The following SH2D3A variants were observed in gnomAD, a reference collection of about 807,000 sequenced individuals.
SH2D3A encodes the protein SH2 domain-containing protein 3A.
Under a neutral mutation model 50.6 loss-of-function variants are expected in SH2D3A, and 46 were observed. The observed-to-expected ratio is 0.91, with a 90% CI of 0.72 to 1.16. The LOEUF is 1.16. Among genes scored for constraint, SH2D3A ranks in the 50% most tolerant of loss-of-function variants. SH2D3A has a pLI of 0.00. For missense variants in SH2D3A, 783 were observed against 786.2 expected, an observed-to-expected ratio of 1.00 and a Z score of 0.05; for synonymous variants, 377 against 348.4, an observed-to-expected ratio of 1.08 and a Z score of -0.91.
At chr19:6,763,609 C>T in intron 2 of SH2D3A, 71 bp downstream of exon 2, 1 of 1,459,782 alleles carries the variant, frequency 6.9e-7, no homozygotes, top group South Asian at 1.2e-5. Context: ...CATCCAGGGA[C>T]CCAGGAATCC....
Position 6,752,268 on chromosome 19 carries a change from C to T in SH2D3A, c.*325G>A. The T allele has an allele frequency of 7.6e-6, 2 of 262,562 alleles. No homozygotes were observed. Among genetic ancestry groups the T allele is most frequent in the East Asian group, 6.9e-5 (1 of 14,402 alleles). 16.3% of individuals were successfully genotyped at this position (262,562 alleles called of 1,614,324 possible). The stretch of plus-strand genomic sequence containing the variant: ...CTGGCCTCAAGCCTTCCTTCCGCCT[C>T]GGCCTCCCAAAGTGCTGAGATTACA... On this transcript the variant is annotated 3_prime_UTR_variant, in exon 10 of 10. Transcript: ENST00000245908.
At position 6,754,791 on chromosome 19, in the gene SH2D3A, G is replaced by T. The variant is rs181849868; in HGVS notation, c.981+40C>A. ...GATTATGTAGGCATGGTTGGGTCTT[G>T]CCCTGGGCCTGGGGAGGAGCATCCC... is the stretch of plus-strand genomic sequence containing the variant. On this transcript the variant is annotated intron_variant, in intron 5 of 9. Coordinates refer to ENST00000245908, the MANE Select transcript of SH2D3A (RefSeq NM_005490.3). 4 of 1,613,176 alleles carry T rather than the reference G, an allele frequency of 2.5e-6. No individual in the cohort carries two copies. The East Asian group carries it at 8.9e-5, about 36-fold the overall frequency.
chr19:6,753,241 G>A, intron 9 of SH2D3A: 1 of 985,420 alleles, frequency 1.0e-6, no homozygotes, highest in South Asian at 4.7e-5. Flanking sequence ...AGGACAGCCC[G>A]TTTTGAGGTG....
In SH2D3A at chr19:6,752,669, G is replaced by C. The variant is rs922745885; in HGVS notation, c.1655C>G (p.Ala552Gly). 8 of 1,554,002 alleles carry C rather than the reference G, an allele frequency of 5.1e-6. No homozygotes were observed. The highest frequency in any genetic ancestry group is 5.2e-6 in the Non-Finnish European group (6 of 1,148,966). ...RLLWGSRGAG[A>G]PRAERFEKFQ... The stretch of plus-strand genomic sequence containing the variant: ...CTTCTCAAAGCGTTCAGCGCGCGGA[G>C]CTCCCGCGCCCCGGCTACCCCAGAG... The change falls in exon 10 of 10, where the codon GCT becomes GGT. Residue 552 changes from alanine (A) to glycine (G), a missense_variant. Ala to Gly is a moderately conservative substitution (Grantham distance 60). Coordinates refer to ENST00000245908, the MANE Select transcript of SH2D3A (RefSeq NM_005490.3).
At chr19:6,758,960 T>TA (rs775265634) in intron 4 of SH2D3A, 1 of 152,244 alleles carries the variant, frequency 6.6e-6, no homozygotes. Context: ...GGTGGAAATG[T>TA]AAAATGCAAA....
Position 6,760,892 on chromosome 19 carries a change from G to A in SH2D3A, c.165C>T (p.Gly55=). ...GNPVISCRWR[G]SALHFEVFRV... is the part of the protein sequence containing the mutation. ...GGAACACCTCAAAATGGAGGGCTGAGCCCCGCCAGCGGCAGGAGATCACGG... is the reference window on the plus strand; with the variant it reads ...GGAACACCTCAAAATGGAGGGCTGAACCCCGCCAGCGGCAGGAGATCACGG... Residue 55 remains glycine, a synonymous_variant, in exon 3 of 10, where the codon GGC becomes GGT. Coordinates refer to ENST00000245908, the MANE Select transcript of SH2D3A (RefSeq NM_005490.3). 1.9e-6 allele frequency: 3 copies of A among 1,614,232 alleles called. No individual in the cohort carries two copies. Among genetic ancestry groups the A allele is most frequent in the Non-Finnish European group, 8.5e-7 (1 of 1,180,042 alleles).
In SH2D3A at chr19:6,767,414, A is replaced by T. The variant is rs1156815659; in HGVS notation, c.-96T>A. ...GGGCAGGACCCGCGGGGCTCCCACG[A>T]GGCTGGGTCCAGGCGGAAGCTGAGG... On this transcript the variant is annotated 5_prime_UTR_variant, in exon 1 of 10. Transcript: ENST00000245908. 2 of 152,380 alleles carry T rather than the reference A, an allele frequency of 1.3e-5. No individual in the cohort carries two copies. Among genetic ancestry groups the T allele is most frequent in the African/African-American group, 4.8e-5 (2 of 41,448 alleles). The allele number at this position is 152,380 out of a possible 1,614,324, so 9.4% of individuals were successfully genotyped here.
At chr19:6,754,786 G>T in intron 5 of SH2D3A, 45 bp downstream of exon 5, 1 of 1,613,416 alleles carries the variant, frequency 6.2e-7, no homozygotes, top group South Asian at 1.1e-5. Flanking sequence ...GCATGGTTGG[G>T]TCTTGCCCTG....
rs1969390869 is a variant in SH2D3A, at chr19:6,752,767, C to A, written c.1571-14G>T. ...TAGGCCGGAATCCTGGAAGCAAGGT[C>A]AGGTGGGCTGGGGGCGGGGCCCAGG... On this transcript the variant is annotated splice_polypyrimidine_tract_variant and intron_variant, in intron 9 of 9. Coordinates refer to ENST00000245908, the MANE Select transcript of SH2D3A (RefSeq NM_005490.3). 6.6e-7 allele frequency: 1 copy of A among 1,519,420 alleles called. No homozygotes were observed. Among genetic ancestry groups the A allele is most frequent in the Non-Finnish European group, 8.9e-7 (1 of 1,126,424 alleles). 94.1% of individuals were successfully genotyped at this position (1,519,420 alleles called of 1,614,324 possible). A position where few individuals can be genotyped will look rare whatever the true frequency, so the allele number is the denominator to read the frequency against.
chr19:6,762,570 C>T (rs1970087070), intron 2 of SH2D3A, among the ~76,000 whole-genome samples: 1 of 142,590 alleles, frequency 7.0e-6, no homozygotes, highest in Non-Finnish European at 1.5e-5. Flanking sequence ...CAGTGGAGCA[C>T]TCATGGCTCA....
chr19:6,752,531 G>C lies in SH2D3A; in HGVS notation c.*62C>G, dbSNP rs1200758621. The stretch of plus-strand genomic sequence containing the variant: ...GCGAGGAGCCTGGGACGACTCCTTT[G>C]GTCTCTTCTGGGGTTCGCAAAAACC... On this transcript the variant is annotated 3_prime_UTR_variant, in exon 10 of 10. Transcript: ENST00000245908. The C allele has an allele frequency of 2.5e-5, 35 of 1,397,570 alleles. 1 individual carries two copies. The East Asian group carries it at 8.9e-4, about 36-fold the overall frequency. The allele number at this position is 1,397,570 out of a possible 1,614,324, so 86.6% of individuals were successfully genotyped here.
chr19:6,753,695 C>T (rs1003376238), intron 8 of SH2D3A, 54 bp from the exon 9 acceptor site: 20 of 1,452,706 alleles, frequency 1.4e-5, no homozygotes, highest in African/African-American at 9.8e-5. Flanking sequence ...GGGCATAGGG[C>T]AGAGGTGGAA....
rs746102756 is a variant in SH2D3A at position 6,753,555 on chromosome 19, C to T, written c.1471G>A (p.Asp491Asn). 1.9e-6 allele frequency: 3 copies of T among 1,573,478 alleles called. No homozygotes were observed. The South Asian group carries it at 3.5e-5, about 18-fold the overall frequency. The change falls in exon 9 of 10, where the codon GAC becomes AAC. Residue 491 changes from aspartate (D) to asparagine (N), a missense_variant. Asp to Asn is a conservative substitution (Grantham distance 23). Transcript: ENST00000245908. ...CGCAACAGCCGCTCACAGCTCTCGT[C>T]CAGCGGCCCCGCGACTTCCTCGCCC... ...LEGEEVAGPL[D>N]ESCERLLRTL...
rs1041772393 is a variant in SH2D3A, at chr19:6,755,213, G to A, written c.599C>T (p.Ala200Val). The change falls in exon 5 of 10, where the codon GCC becomes GTC. Residue 200 changes from alanine to valine, a missense_variant. Ala to Val is a moderately conservative substitution (Grantham distance 64, BLOSUM62 0). Coordinates refer to ENST00000245908, the MANE Select transcript of SH2D3A (RefSeq NM_005490.3). ...PLGTVADSLRASDGQLQAKAP... is the reference protein window; with the variant it reads ...PLGTVADSLRVSDGQLQAKAP... ...CTTGGCTTGAAGCTGCCCATCGGAG[G>A]CCCTGAGACTGTCGGCAACAGTTCC... 1 of 1,565,946 alleles carries A rather than the reference G, an allele frequency of 6.4e-7. No homozygotes were observed. Among genetic ancestry groups the A allele is most frequent in the Non-Finnish European group, 8.7e-7 (1 of 1,154,280 alleles).
chr19:6,753,684 G>C (rs1320824253), intron 8 of SH2D3A, 43 bp from the exon 9 acceptor site: 5 of 1,483,358 alleles, frequency 3.4e-6, no homozygotes, highest in Non-Finnish European at 4.5e-6. Context: ...GGCTGTAGAT[G>C]GGGCATAGGG....
chr19:6,763,908 T>A, intron 1 of SH2D3A, 92 bp from the exon 2 acceptor site: 19 of 160,918 alleles, frequency 1.2e-4, no homozygotes, highest in Admixed American at 1.5e-4. Context: ...ATCAAATCTT[T>A]TTTTTTTTTT....
At chr19:6,758,077 C>T (rs1403885842) in intron 4 of SH2D3A, 1 of 152,102 alleles carries the variant, frequency 6.6e-6, no homozygotes, top group Non-Finnish European at 1.5e-5. Context: ...GACAGTCTCA[C>T]TCTGTCCCAA....
rs775553958 is a variant in SH2D3A at position 6,760,893 on chromosome 19, C to G, written c.164G>C (p.Gly55Ala). The change falls in exon 3 of 10, where the codon GGC (glycine) becomes GCC (alanine). Residue 55 changes from glycine (G) to alanine (A), a missense_variant. Transcript: ENST00000245908. ...GAACACCTCAAAATGGAGGGCTGAGCCCCGCCAGCGGCAGGAGATCACGGG... is the reference window on the plus strand; with the variant it reads ...GAACACCTCAAAATGGAGGGCTGAGGCCCGCCAGCGGCAGGAGATCACGGG... ...GNPVISCRWR[G>A]SALHFEVFRV... The G allele has an allele frequency of 1.2e-6, 2 of 1,614,210 alleles. No homozygotes were observed. Among genetic ancestry groups the G allele is most frequent in the Admixed American group, 3.3e-5 (2 of 60,026 alleles).
At position 6,753,656 on chromosome 19, in the gene SH2D3A, G is replaced by A. The variant is rs1295917546; in HGVS notation, c.1385-15C>T. 1 of 1,544,972 alleles carries A rather than the reference G, an allele frequency of 6.5e-7. No individual in the cohort carries two copies. ...GTCGCAGGGTCCTGCGGAGGGGGAG[G>A]GTCTGATCAGGGTTTGGGGCTGTAG... On this transcript the variant is annotated splice_polypyrimidine_tract_variant and intron_variant, in intron 8 of 9. Transcript: ENST00000245908.
Sources: gnomAD v4.1 joint callset for allele counts (sites outside exome capture counted in the v4.1 genomes callset) on GRCh38, gnomAD v4.1.1 for gene constraint, MANE v1.5 for transcripts, NCBI Gene and HGNC (gene_info 2026-07-23, HGNC 2026-07-21) for gene names.